The following PTH2R variants were observed in gnomAD, a reference collection of about 807,000 sequenced individuals.
The protein encoded by PTH2R is PTH2 receptor.
In PTH2R, 59 loss-of-function variants were observed where a neutral mutation model predicts 60.3. That is an observed-to-expected ratio of 0.98 (90% CI 0.79 to 1.22). PTH2R has a LOEUF of 1.22. Ranked by LOEUF, PTH2R falls within the 50% of genes most tolerant of loss-of-function variation. The pLI is 0.00. For missense variants in PTH2R, 749 were observed against 682.6 expected, an observed-to-expected ratio of 1.10 and a Z score of -1.08; for synonymous variants, 256 against 243.8, an observed-to-expected ratio of 1.05 and a Z score of -0.47.
intron 2 of PTH2R, among the ~76,000 whole-genome samples, chr2:208,431,843 C>T (rs771420355): frequency 7.2e-5 from 11 of 152,178 alleles, no homozygotes; most frequent in Admixed American, 1.3e-4. Context: ...TAAGGTAAAC[C>T]CCAAATGTAG....
chr2:208,440,117 T>C (rs1355537685), intron 4 of PTH2R, among the ~76,000 whole-genome samples: 3 of 152,292 alleles, frequency 2.0e-5, no homozygotes, highest in East Asian at 1.9e-4. Flanking sequence ...TAATAGGCAA[T>C]GCTTCACAGA....
intron 8 of PTH2R, among the ~76,000 whole-genome samples, chr2:208,452,650 T>G (rs2105881011): frequency 6.6e-6 from 1 of 152,230 alleles, no homozygotes; most frequent in Non-Finnish European, 1.5e-5. Flanking sequence ...GACAGCAAAT[T>G]TGCATTTTGT....
intron 9 of PTH2R, among the ~76,000 whole-genome samples, chr2:208,463,229 T>G (rs192790559): frequency 6.6e-6 from 1 of 152,124 alleles, no homozygotes; most frequent in African/African-American, 2.4e-5. Flanking sequence ...CTCCACACAA[T>G]GGCTTTCTTT....
chr2:208,385,919 A>G (rs779089108), intron 1 of PTH2R, among the ~76,000 whole-genome samples: 2 of 152,240 alleles, frequency 1.3e-5, no homozygotes, highest in African/African-American at 4.8e-5. Context: ...ATTGAAACAT[A>G]TAAAGATATT....
chr2:208,380,411 T>C (rs1239050818), intron 1 of PTH2R, among the ~76,000 whole-genome samples: 2 of 152,248 alleles, frequency 1.3e-5, no homozygotes, highest in East Asian at 3.9e-4. Flanking sequence ...CTGTAAGTCA[T>C]GTATGTCAGG....
Position 208,444,752 on chromosome 2 carries a change from G to T in PTH2R, c.718G>T (p.Val240Phe). The T allele has an allele frequency of 6.2e-7, 1 of 1,613,818 alleles. No individual in the cohort carries two copies. The highest frequency in any genetic ancestry group is 1.1e-5 in the South Asian group (1 of 91,032). The change falls in exon 7 of 13, where the codon GTT becomes TTT. Residue 240 changes from valine (V) to phenylalanine (F), a missense_variant. Coordinates refer to ENST00000272847, the MANE Select transcript of PTH2R (RefSeq NM_005048.4). Reference protein sequence around the residue: ...KSQYIGCKIAVVMFIYFLATN... With the variant: ...KSQYIGCKIAFVMFIYFLATN... ...GTAATAGATCGGGTGCAAGATTGCTGTTGTGATGTTTATTTACTTCCTGGC... is the reference window on the plus strand; with the variant it reads ...GTAATAGATCGGGTGCAAGATTGCTTTTGTGATGTTTATTTACTTCCTGGC...
intron 1 of PTH2R, among the ~76,000 whole-genome samples, chr2:208,399,453 T>G (rs1298305890): frequency 6.6e-6 from 1 of 152,160 alleles, no homozygotes; most frequent in Non-Finnish European, 1.5e-5. Context: ...AGGTAGTTTA[T>G]GCTAACAATG....
At chr2:208,378,239 G>GGT (rs1700845664) in intron 1 of PTH2R, among the ~76,000 whole-genome samples, 9 of 149,686 alleles carry the variant, frequency 6.0e-5, no homozygotes, top group Admixed American at 2.0e-4. Context: ...CAGGCGTGGC[G>GGT]GCGCGCACCT....
intron 4 of PTH2R, 65 bp from the exon 5 acceptor site, chr2:208,442,299 T>C: frequency 8.5e-7 from 1 of 1,173,678 alleles, no homozygotes. Flanking sequence ...AATGACATAC[T>C]ATTTCTTTGC....
intron 1 of PTH2R, among the ~76,000 whole-genome samples, chr2:208,387,009 A>G (rs1559204881): frequency 1.3e-5 from 2 of 152,192 alleles, no homozygotes; most frequent in Non-Finnish European, 1.5e-5. Flanking sequence ...TTTAATGCCA[A>G]TTTTAATCTA....
intron 1 of PTH2R, among the ~76,000 whole-genome samples, chr2:208,392,863 G>A (rs190895037): frequency 3.3e-5 from 5 of 152,286 alleles, no homozygotes; most frequent in South Asian, 2.1e-4. Flanking sequence ...TTTGAGCCCC[G>A]GGACCTGTCA....
intron 1 of PTH2R, among the ~76,000 whole-genome samples, chr2:208,361,718 A>G (rs1416874775): frequency 6.6e-6 from 1 of 150,424 alleles, no homozygotes; most frequent in African/African-American, 2.4e-5. Flanking sequence ...ACTTAGCATG[A>G]TTTCTTAAGT....
intron 9 of PTH2R, among the ~76,000 whole-genome samples, chr2:208,479,197 G>A (rs114311728): frequency 5.5e-4 from 83 of 151,780 alleles, no homozygotes; most frequent in Non-Finnish European, 8.7e-4. Context: ...TGGACTCATC[G>A]GCATGTATTT....
At chr2:208,383,881 G>T (rs1700960291) in intron 1 of PTH2R, among the ~76,000 whole-genome samples, 1 of 152,168 alleles carries the variant, frequency 6.6e-6, no homozygotes, top group African/African-American at 2.4e-5. Context: ...CTGAGTGTCT[G>T]TTTGCCATGA....
intron 2 of PTH2R, among the ~76,000 whole-genome samples, chr2:208,428,682 C>G (rs1701907890): frequency 6.6e-6 from 1 of 152,198 alleles, no homozygotes; most frequent in South Asian, 2.1e-4. Context: ...ATAAAATATG[C>G]AGTTCAAAAT....
intron 2 of PTH2R, among the ~76,000 whole-genome samples, chr2:208,434,794 G>T (rs996785661): frequency 6.6e-6 from 1 of 152,208 alleles, no homozygotes; most frequent in African/African-American, 2.4e-5. Context: ...TGAGGGCAAA[G>T]TTGTTGGGAG....
intron 2 of PTH2R, among the ~76,000 whole-genome samples, chr2:208,432,880 G>C (rs1382761329): frequency 6.6e-6 from 1 of 152,098 alleles, no homozygotes; most frequent in African/African-American, 2.4e-5. Flanking sequence ...CTAGCCAACT[G>C]GAGGGTGCCC....
At chr2:208,364,484 T>A (rs1700540780) in intron 1 of PTH2R, among the ~76,000 whole-genome samples, 1 of 152,212 alleles carries the variant, frequency 6.6e-6, no homozygotes, top group African/African-American at 2.4e-5. Flanking sequence ...TTGACCAGAC[T>A]GTCCTTTTCC....
At chr2:208,445,560 T>C (rs1222843619) in intron 7 of PTH2R, among the ~76,000 whole-genome samples, 1 of 152,180 alleles carries the variant, frequency 6.6e-6, no homozygotes, top group Non-Finnish European at 1.5e-5. Flanking sequence ...AAAACTCATA[T>C]GTGGTGAAAA....
Sources: allele counts gnomAD v4.1 joint callset (sites outside exome capture counted in the v4.1 genomes callset), GRCh38; gene constraint gnomAD v4.1.1; transcripts MANE v1.5; gene names NCBI Gene and HGNC (gene_info 2026-07-23, HGNC 2026-07-21).